TLK1: variants seen among roughly 807,000 people sequenced by gnomAD.
TLK1 encodes the protein tousled like kinase 1, also known as serine/threonine-protein kinase tousled-like 1.
In TLK1, 24 loss-of-function variants were observed where a neutral mutation model predicts 105.3. That is an observed-to-expected ratio of 0.23 (90% CI 0.17 to 0.32). TLK1 has a LOEUF of 0.32. Ranked by LOEUF, TLK1 falls within the 10% of genes least tolerant of loss-of-function variation. TLK1 has a pLI of 1.00. For missense variants in TLK1, 558 were observed against 910.5 expected, an observed-to-expected ratio of 0.61 and a Z score of 4.98; for synonymous variants, 321 against 310.4, an observed-to-expected ratio of 1.03 and a Z score of -0.36.
At chr2:171,037,363 C>A (rs916072875) in intron 11 of TLK1, among the ~76,000 whole-genome samples, 4 of 151,778 alleles carry the variant, frequency 2.6e-5, no homozygotes, top group Non-Finnish European at 5.9e-5. Flanking sequence ...ATCACTTGAA[C>A]CCAGGAGGCG....
intron 3 of TLK1, among the ~76,000 whole-genome samples, chr2:171,063,877 C>T (rs1337343464): frequency 1.3e-5 from 2 of 152,188 alleles, no homozygotes; most frequent in African/African-American, 4.8e-5. Flanking sequence ...ATTTTCAAAA[C>T]TTATTTGAGA....
chr2:171,130,041 G>A (rs185705702), intron 1 of TLK1, among the ~76,000 whole-genome samples: 15 of 152,204 alleles, frequency 9.9e-5, no homozygotes, highest in African/African-American at 3.1e-4. Flanking sequence ...TAAGAACATG[G>A]GCTCTGTGGC....
intron 1 of TLK1, among the ~76,000 whole-genome samples, chr2:171,197,244 C>T (rs1693292737): frequency 6.6e-6 from 1 of 151,968 alleles, no homozygotes; most frequent in South Asian, 2.1e-4. Context: ...TTTTCTTATA[C>T]TTGACAGATA....
At chr2:171,181,626 C>T (rs1479816685) in intron 1 of TLK1, among the ~76,000 whole-genome samples, 2 of 152,128 alleles carry the variant, frequency 1.3e-5, no homozygotes, top group African/African-American at 2.4e-5. Context: ...GCAGAGATCA[C>T]GTGGCAAGAA....
At position 171,056,578 on chromosome 2, in the gene TLK1, A is replaced by C; in HGVS notation, c.454-12T>G. ...TTTCCACCCTGGTACTGAGTAAAAG[A>C]AAAAGGAAGCATTATTATTTACTAA... On this transcript the variant is annotated splice_polypyrimidine_tract_variant and intron_variant, in intron 5 of 20. Transcript: ENST00000431350. 6.2e-7 allele frequency: 1 copy of C among 1,602,824 alleles called. No homozygotes were observed. Among genetic ancestry groups the C allele is most frequent in the East Asian group, 2.2e-5 (1 of 44,664 alleles).
chr2:171,089,638 C>A (rs556500305), intron 2 of TLK1, among the ~76,000 whole-genome samples: 2 of 152,118 alleles, frequency 1.3e-5, no homozygotes, highest in Non-Finnish European at 2.9e-5. Flanking sequence ...TTTTTCTATC[C>A]ATGTCAATAT....
At chr2:171,053,512 A>G (rs1029668482) in intron 8 of TLK1, among the ~76,000 whole-genome samples, 2 of 151,930 alleles carry the variant, frequency 1.3e-5, no homozygotes, top group African/African-American at 4.8e-5. Context: ...ACAGGCACGC[A>G]CCACCATGCC....
intron 1 of TLK1, among the ~76,000 whole-genome samples, chr2:171,205,457 G>T (rs912828323): frequency 1.3e-5 from 2 of 151,904 alleles, no homozygotes; most frequent in South Asian, 4.2e-4. Context: ...TGAATAGCTG[G>T]GACTACAGGT....
chr2:171,006,386 C>G, intron 17 of TLK1, 88 bp downstream of exon 17: 2 of 1,480,030 alleles, frequency 1.4e-6, no homozygotes, highest in East Asian at 4.6e-5. Flanking sequence ...ACAAGAGAAA[C>G]CAAAAAACAT....
At chr2:170,994,087 T>TAAA in intron 20 of TLK1, 131 bp from the exon 21 acceptor site, 1 of 940,436 alleles carries the variant, frequency 1.1e-6, no homozygotes, top group Non-Finnish European at 1.4e-6. Flanking sequence ...GTTCAAACCT[T>TAAA]AAAAAAAAAA....
chr2:171,112,043 C>T (rs940251810), intron 2 of TLK1, among the ~76,000 whole-genome samples: 2 of 152,164 alleles, frequency 1.3e-5, no homozygotes, highest in Non-Finnish European at 2.9e-5. Context: ...CCTCCGCCTG[C>T]CGAGTTCAAG....
chr2:171,199,317 C>A (rs1693353841), intron 1 of TLK1, among the ~76,000 whole-genome samples: 1 of 152,064 alleles, frequency 6.6e-6, no homozygotes, highest in Non-Finnish European at 1.5e-5. Flanking sequence ...TACAGACCAG[C>A]CTGGGAAACA....
At chr2:171,135,319 GTA>G (rs201751767) in intron 1 of TLK1, among the ~76,000 whole-genome samples, 2,468 of 70,036 alleles carry the variant, frequency 0.035, 25 homozygotes, top group Middle Eastern at 0.064. Flanking sequence ...GTGTGTGTGT[GTA>G]TATATATATA....
At chr2:171,219,614 T>C (rs1224078741) in intron 1 of TLK1, among the ~76,000 whole-genome samples, 1 of 151,826 alleles carries the variant, frequency 6.6e-6, no homozygotes, top group African/African-American at 2.4e-5. Flanking sequence ...CTTTTTTTTT[T>C]TTTTGAGACA....
intron 1 of TLK1, among the ~76,000 whole-genome samples, chr2:171,193,798 C>A (rs1693209327): frequency 6.8e-6 from 1 of 146,106 alleles, no homozygotes; most frequent in Non-Finnish European, 1.5e-5. Context: ...TCATTGCCAA[C>A]CTCTGCCTCC....
chr2:171,009,706 G>T (rs1684816704), intron 14 of TLK1, among the ~76,000 whole-genome samples: 1 of 152,230 alleles, frequency 6.6e-6, no homozygotes, highest in East Asian at 1.9e-4. Context: ...TATAATGTAG[G>T]TATTGTTATT....
intron 1 of TLK1, among the ~76,000 whole-genome samples, chr2:171,159,981 G>T (rs1486927788): frequency 1.3e-5 from 2 of 152,200 alleles, no homozygotes; most frequent in South Asian, 2.1e-4. Context: ...GCTCGCGTCT[G>T]GGGGGAGGCT....
intron 1 of TLK1, among the ~76,000 whole-genome samples, chr2:171,228,088 A>G (rs1693933812): frequency 6.6e-6 from 1 of 152,228 alleles, no homozygotes; most frequent in African/African-American, 2.4e-5. Flanking sequence ...AGACAGGAGA[A>G]TCACTTGAAC....
At chr2:171,026,841 T>C (rs1335086343) in intron 12 of TLK1, among the ~76,000 whole-genome samples, 2 of 152,172 alleles carry the variant, frequency 1.3e-5, no homozygotes, top group East Asian at 3.8e-4. Flanking sequence ...GATAGTTATA[T>C]AGCTCCATCT....
Sources: gnomAD v4.1 joint callset for allele counts (sites outside exome capture counted in the v4.1 genomes callset) on GRCh38, gnomAD v4.1.1 for gene constraint, MANE v1.5 for transcripts, NCBI Gene and HGNC (gene_info 2026-07-23, HGNC 2026-07-21) for gene names.